PPP2R3A: variants seen among roughly 807,000 people sequenced by gnomAD.
The protein encoded by PPP2R3A is protein phosphatase 2 regulatory subunit B''alpha.
A neutral mutation model predicts 106.9 loss-of-function variants in PPP2R3A; 80 were observed. That is an observed-to-expected ratio of 0.75 (90% CI 0.62 to 0.90). PPP2R3A has a LOEUF of 0.90. Among genes scored for constraint, PPP2R3A ranks in the 40% least tolerant of loss-of-function variants. The pLI is 0.00. For missense variants in PPP2R3A, 1,386 were observed against 1,350.4 expected (o/e 1.03, Z -0.41); for synonymous variants, 483 against 468.3 (o/e 1.03, Z -0.41).
At chr3:136,030,778 A>ATGTATG (rs1553745405) in intron 3 of PPP2R3A, among the ~76,000 whole-genome samples, 55 of 111,306 alleles carry the variant, frequency 4.9e-4, no homozygotes, top group Admixed American at 6.8e-4. Flanking sequence ...ATATATATAT[A>ATGTATG]TATGTATGTA....
At chr3:136,005,544 A>G (rs1483368565) in intron 2 of PPP2R3A, among the ~76,000 whole-genome samples, 1 of 152,200 alleles carries the variant, frequency 6.6e-6, no homozygotes, top group African/African-American at 2.4e-5. Context: ...TTGTTGGTTC[A>G]CAGGTGGTAG....
chr3:136,076,561 G>A lies in PPP2R3A; in HGVS notation c.2545-1806G>A, dbSNP rs191441009. Among the ~76,000 whole-genome samples the A allele has an allele frequency of 8.5e-5, 13 of 152,260 alleles. No individual in the cohort carries two copies. In the East Asian group the frequency reaches 1.7e-3, roughly 20 times the overall value. On this transcript the variant is annotated intron_variant, in intron 6 of 13. Coordinates refer to ENST00000264977, the MANE Select transcript of PPP2R3A (RefSeq NM_002718.5). ...CTTCAAATAGTTATGAAGCCAACCCGTATTTCTCTAACACAAAGATAATAC... is the reference window on the plus strand; with the variant it reads ...CTTCAAATAGTTATGAAGCCAACCCATATTTCTCTAACACAAAGATAATAC...
At chr3:136,143,759 C>T (rs1361885133) in intron 13 of PPP2R3A, among the ~76,000 whole-genome samples, 1 of 152,164 alleles carries the variant, frequency 6.6e-6, no homozygotes, top group Non-Finnish European at 1.5e-5. Context: ...CCACTGTACT[C>T]CAGCCTGGGC....
chr3:136,140,461 A>ACAAAAAAAC (rs1304192521), intron 13 of PPP2R3A, among the ~76,000 whole-genome samples: 2 of 150,434 alleles, frequency 1.3e-5, no homozygotes, highest in African/African-American at 4.9e-5. Context: ...AAAAAAAAAA[A>ACAAAAAAAC]AAACCCGGGC....
At chr3:136,106,111 T>C in intron 12 of PPP2R3A, 105 bp from the exon 13 acceptor site, 1 of 938,862 alleles carries the variant, frequency 1.1e-6, no homozygotes, top group African/African-American at 1.7e-5. Context: ...ATGAAACATT[T>C]TTCAGGTAGG....
At chr3:136,065,358 T>C (rs1936232907) in intron 5 of PPP2R3A, among the ~76,000 whole-genome samples, 2 of 152,098 alleles carry the variant, frequency 1.3e-5, no homozygotes, top group African/African-American at 2.4e-5. Flanking sequence ...TGGAAAGAAG[T>C]GGGGCTAAAG....
intron 2 of PPP2R3A, among the ~76,000 whole-genome samples, chr3:136,007,787 T>A (rs1423567454): frequency 6.6e-6 from 1 of 152,224 alleles, no homozygotes; most frequent in Admixed American, 6.5e-5. Context: ...CTTTTGCCCA[T>A]TCTTAGAAGT....
chr3:136,139,464 G>C (rs937866959), intron 13 of PPP2R3A, among the ~76,000 whole-genome samples: 2 of 149,878 alleles, frequency 1.3e-5, no homozygotes, highest in African/African-American at 2.5e-5. Context: ...GGGAGGCCGA[G>C]GGGGGGGATC....
intron 2 of PPP2R3A, among the ~76,000 whole-genome samples, chr3:136,010,726 C>T (rs969501303): frequency 1.3e-5 from 2 of 150,154 alleles, no homozygotes; most frequent in African/African-American, 4.9e-5. Context: ...GCGCCCATCC[C>T]CAAACTCCTG....
intron 13 of PPP2R3A, among the ~76,000 whole-genome samples, chr3:136,117,831 A>G (rs1051075897): frequency 1.3e-5 from 2 of 152,232 alleles, no homozygotes; most frequent in African/African-American, 2.4e-5. Context: ...TTCTGAAACT[A>G]TTCCAATCAA....
At chr3:136,078,883 A>G (rs954466732) in intron 7 of PPP2R3A, among the ~76,000 whole-genome samples, 3 of 152,224 alleles carry the variant, frequency 2.0e-5, no homozygotes, top group Admixed American at 6.5e-5. Flanking sequence ...GAAAAGTACT[A>G]AAAATTCCTT....
intron 9 of PPP2R3A, among the ~76,000 whole-genome samples, chr3:136,089,913 G>A (rs1187892196): frequency 2.0e-5 from 3 of 152,072 alleles, no homozygotes; most frequent in Non-Finnish European, 4.4e-5. Context: ...CAGCTTGAAT[G>A]CTATTGGTGT....
In PPP2R3A at chr3:136,040,908, G is replaced by A. The variant is rs374535563; in HGVS notation, c.2312G>A (p.Gly771Glu). 9.9e-5 allele frequency: 159 copies of A among 1,613,658 alleles called. No homozygotes were observed. The highest frequency in any genetic ancestry group is 1.3e-4 in the Non-Finnish European group (150 of 1,179,830). ...AAAGCCCCCATGTTCAGGGCTGCAG[G>A]GGGAGAGAAGACAGGATTTGTGACA... ...YWKAPMFRAA[G>E]GEKTGFVTAQ... The change falls in exon 4 of 14, where the codon GGG becomes GAG. Residue 771 changes from glycine (G) to glutamate (E), a missense_variant. Transcript: ENST00000264977.
chr3:136,055,287 C>A, intron 5 of PPP2R3A: 1 of 877,316 alleles, frequency 1.1e-6, no homozygotes, highest in South Asian at 1.3e-5. Context: ...AGACCTGAGT[C>A]TGTTGTGTTG....
At position 136,123,613 on chromosome 3, in the gene PPP2R3A, T is replaced by C. The variant is rs980107596; in HGVS notation, c.3329+17291T>C. On this transcript the variant is annotated intron_variant, in intron 13 of 13. Coordinates refer to ENST00000264977, the MANE Select transcript of PPP2R3A (RefSeq NM_002718.5). ...TCAAAATCAATAGTAAGAACATAAA[T>C]ATTGTCCAGTTCAAAAGACAGACAT... Among the ~76,000 whole-genome samples the C allele has an allele frequency of 5.3e-5, 8 of 152,290 alleles. No individual in the cohort carries two copies. The South Asian group carries it at 1.4e-3, about 28-fold the overall frequency.
Position 136,146,995 on chromosome 3 carries a change from T to A in PPP2R3A, c.*1829T>A, listed in dbSNP as rs1046073694. On this transcript the variant is annotated 3_prime_UTR_variant, in exon 14 of 14. Coordinates refer to ENST00000264977, the MANE Select transcript of PPP2R3A (RefSeq NM_002718.5). The stretch of plus-strand genomic sequence containing the variant: ...ATTTTACAATATACATTTTTTTTTT[T>A]AACTATTTGGCTTTACCTTTTTACC... 6.6e-5 allele frequency: 10 copies of A among 152,038 alleles called. No homozygotes were observed. The highest frequency in any genetic ancestry group is 7.4e-5 in the Non-Finnish European group (5 of 67,996). 9.4% of individuals were successfully genotyped at this position (152,038 alleles called of 1,614,324 possible). A position where few individuals can be genotyped will look rare whatever the true frequency, so the allele number is the denominator to read the frequency against.
intron 1 of PPP2R3A, among the ~76,000 whole-genome samples, chr3:135,998,487 A>G (rs1471191137): frequency 6.6e-6 from 1 of 152,230 alleles, no homozygotes; most frequent in Non-Finnish European, 1.5e-5. Flanking sequence ...CAAATTACCA[A>G]AAATTTAAAG....
rs561968756 is a variant in PPP2R3A, at chr3:135,968,583, C to CAGTG, written c.-441+2735_-441+2738dup. Among the ~76,000 whole-genome samples the CAGTG allele has an allele frequency of 4.6e-5, 7 of 152,270 alleles. No homozygotes were observed. The East Asian group carries it at 1.4e-3, about 29-fold the overall frequency. On this transcript the variant is annotated intron_variant, in intron 1 of 13. Coordinates refer to ENST00000264977, the MANE Select transcript of PPP2R3A (RefSeq NM_002718.5). The stretch of plus-strand genomic sequence containing the variant: ...AAATAGGCAAAGGCTGTCCACTAAG[C>CAGTG]AGTGGTTCTCAGTCCAACACTCTCA...
chr3:136,144,945 C>T (rs997272525), intron 13 of PPP2R3A, 98 bp from the exon 14 acceptor site: 1 of 1,381,108 alleles, frequency 7.2e-7, no homozygotes, highest in East Asian at 2.5e-5. Context: ...TTCAAGGTAC[C>T]TTTGTGGGCT....
Sources: allele counts gnomAD v4.1 joint callset (sites outside exome capture counted in the v4.1 genomes callset), GRCh38; gene constraint gnomAD v4.1.1; transcripts MANE v1.5; gene names NCBI Gene and HGNC (gene_info 2026-07-23, HGNC 2026-07-21).